The following CSMD1 variants were observed in gnomAD, a reference collection of about 807,000 sequenced individuals.
CSMD1 encodes the protein CUB and sushi domain-containing protein 1.
Under a neutral mutation model 417.5 loss-of-function variants are expected in CSMD1, and 213 were observed. That is an observed-to-expected ratio of 0.51 (90% CI 0.46 to 0.57). CSMD1 has a LOEUF of 0.57. Among genes scored for constraint, CSMD1 ranks in the 20% least tolerant of loss-of-function variants. The pLI is 0.00. For missense variants in CSMD1, 6,923 were observed against 4,529.7 expected (o/e 1.53, Z -15.17); for synonymous variants, 2,862 against 1,736.8 (o/e 1.65, Z -16.11).
intron 47 of CSMD1, among the ~76,000 whole-genome samples, chr8:3,096,266 T>C (rs1456698228): frequency 6.6e-6 from 1 of 152,174 alleles, no homozygotes; most frequent in Non-Finnish European, 1.5e-5. Flanking sequence ...TTTGGCTGTG[T>C]CCCCTCCCAA....
At chr8:4,183,478 G>C (rs759535077) in intron 3 of CSMD1, among the ~76,000 whole-genome samples, 3 of 152,220 alleles carry the variant, frequency 2.0e-5, no homozygotes, top group South Asian at 2.1e-4. Flanking sequence ...TTCAATTGGA[G>C]GTGAAAACAC....
At chr8:3,990,902 C>T (rs965628422) in intron 5 of CSMD1, among the ~76,000 whole-genome samples, 2 of 152,218 alleles carry the variant, frequency 1.3e-5, no homozygotes, top group East Asian at 1.9e-4. Flanking sequence ...TCCATTCTGA[C>T]GTGAAAGACC....
chr8:3,939,380 G>A (rs1321943841), intron 5 of CSMD1, among the ~76,000 whole-genome samples: 2 of 152,052 alleles, frequency 1.3e-5, no homozygotes, highest in South Asian at 2.1e-4. Context: ...GCATGGATAT[G>A]GTGAAAAGGG....
At chr8:4,315,269 G>A (rs1267155574) in intron 3 of CSMD1, among the ~76,000 whole-genome samples, 1 of 152,118 alleles carries the variant, frequency 6.6e-6, no homozygotes, top group Non-Finnish European at 1.5e-5. Flanking sequence ...TAGGGTTTAT[G>A]AAAACTGAGA....
At chr8:3,347,677 A>G (rs1808103980) in intron 22 of CSMD1, among the ~76,000 whole-genome samples, 1 of 152,192 alleles carries the variant, frequency 6.6e-6, no homozygotes, top group Non-Finnish European at 1.5e-5. Context: ...GACAGTCCAG[A>G]AAGGTAGGTA....
intron 3 of CSMD1, among the ~76,000 whole-genome samples, chr8:4,174,019 G>A (rs543278577): frequency 2.6e-5 from 4 of 152,154 alleles, no homozygotes; most frequent in African/African-American, 9.7e-5. Context: ...AATCACCATG[G>A]CCAAGGGAAT....
intron 26 of CSMD1, among the ~76,000 whole-genome samples, chr8:3,241,479 T>G (rs1799515919): frequency 6.6e-6 from 1 of 152,180 alleles, no homozygotes; most frequent in South Asian, 2.1e-4. Context: ...AGTGTCAGTC[T>G]TCAGCCACTA....
At chr8:4,179,353 G>T (rs990326616) in intron 3 of CSMD1, among the ~76,000 whole-genome samples, 1 of 152,140 alleles carries the variant, frequency 6.6e-6, no homozygotes, top group Non-Finnish European at 1.5e-5. Context: ...AATAAATGGT[G>T]CTGGGAAAAC....
At chr8:4,632,548 G>T (rs1317773061) in intron 2 of CSMD1, among the ~76,000 whole-genome samples, 2 of 151,956 alleles carry the variant, frequency 1.3e-5, no homozygotes, top group Non-Finnish European at 2.9e-5. Context: ...TCAAGACGTT[G>T]GTAATCACAG....
intron 4 of CSMD1, among the ~76,000 whole-genome samples, chr8:4,023,915 C>T (rs1050450592): frequency 6.6e-6 from 1 of 151,758 alleles, no homozygotes; most frequent in Non-Finnish European, 1.5e-5. Context: ...CAGCACCCGA[C>T]CACTGCTTTT....
chr8:4,388,530 C>T (rs911092371), intron 3 of CSMD1, among the ~76,000 whole-genome samples: 1 of 146,576 alleles, frequency 6.8e-6, no homozygotes, highest in South Asian at 2.1e-4. Flanking sequence ...AAGAAGGATA[C>T]AGTGGATTTT....
chr8:3,567,988 G>T (rs1012802339), intron 10 of CSMD1, among the ~76,000 whole-genome samples: 8 of 152,110 alleles, frequency 5.3e-5, no homozygotes, highest in Admixed American at 1.3e-4. Flanking sequence ...GCATTTGTGG[G>T]AATTCATCTG....
At chr8:3,621,895 C>A (rs539137710) in intron 7 of CSMD1, among the ~76,000 whole-genome samples, 1 of 151,968 alleles carries the variant, frequency 6.6e-6, no homozygotes, top group South Asian at 2.1e-4. Flanking sequence ...AGTAAGTTAT[C>A]GTGTCCAACC....
At chr8:3,902,028 A>G (rs937301424) in intron 5 of CSMD1, among the ~76,000 whole-genome samples, 1 of 151,970 alleles carries the variant, frequency 6.6e-6, no homozygotes, top group African/African-American at 2.4e-5. Flanking sequence ...TCCATTTATT[A>G]TACGTTGTTC....
intron 2 of CSMD1, among the ~76,000 whole-genome samples, chr8:4,592,748 T>C (rs1800055982): frequency 6.6e-6 from 1 of 152,208 alleles, no homozygotes; most frequent in Admixed American, 6.5e-5. Context: ...TAAATTTTTA[T>C]CTACGAATTT....
intron 2 of CSMD1, among the ~76,000 whole-genome samples, chr8:4,490,012 A>T (rs1228576346): frequency 1.3e-5 from 2 of 150,658 alleles, no homozygotes; most frequent in Non-Finnish European, 2.9e-5. Context: ...CTGTCTTTCC[A>T]GGTCAATTTA....
chr8:3,483,981 T>C (rs76602020), intron 11 of CSMD1, among the ~76,000 whole-genome samples: 2,247 of 152,312 alleles, frequency 0.015, 83 homozygotes, highest in East Asian at 0.14. Context: ...AGTAAATATG[T>C]CAATTTTCTC....
At chr8:4,435,419 G>A (rs1353698445) in intron 2 of CSMD1, among the ~76,000 whole-genome samples, 1 of 152,154 alleles carries the variant, frequency 6.6e-6, no homozygotes, top group African/African-American at 2.4e-5. Flanking sequence ...TCACCATGCA[G>A]GCCCAGAGTT....
intron 1 of CSMD1, among the ~76,000 whole-genome samples, chr8:4,714,451 A>G (rs1356729775): frequency 1.3e-5 from 2 of 152,252 alleles, no homozygotes; most frequent in African/African-American, 4.8e-5. Context: ...ATTCTAAGTC[A>G]AAATACATAA....
Sources: gnomAD v4.1 joint callset for allele counts (sites outside exome capture counted in the v4.1 genomes callset) on GRCh38, gnomAD v4.1.1 for gene constraint, MANE v1.5 for transcripts, NCBI Gene and HGNC (gene_info 2026-07-23, HGNC 2026-07-21) for gene names.